MRPS28: variants seen among roughly 807,000 people sequenced by gnomAD.
The protein encoded by MRPS28 is small ribosomal subunit protein bS1m.
MRPS28 carries 7 observed loss-of-function variants against 10.8 expected under a neutral mutation model. The observed-to-expected ratio is 0.65, with a 90% CI of 0.37 to 1.22. MRPS28 has a LOEUF of 1.22. MRPS28 is among the 50% of genes most tolerant of loss of function. The pLI, the probability that MRPS28 is intolerant of heterozygous loss-of-function variation, is 0.02. For missense variants in MRPS28, 265 were observed against 232.9 expected (o/e 1.14, Z -0.90); for synonymous variants, 121 against 93.3 (o/e 1.30, Z -1.71).
intron 1 of MRPS28, among the ~76,000 whole-genome samples, chr8:80,013,289 A>T (rs954809794): frequency 6.6e-6 from 1 of 152,186 alleles, no homozygotes; most frequent in Non-Finnish European, 1.5e-5. Context: ...TTATAAAACA[A>T]TACAAATTAG....
chr8:80,001,107 G>C (rs1808649458), intron 2 of MRPS28, among the ~76,000 whole-genome samples: 1 of 152,140 alleles, frequency 6.6e-6, no homozygotes. Flanking sequence ...TCTTAGCAGA[G>C]TTGTCACAAA....
At chr8:80,016,295 T>TG (rs1371840750) in intron 1 of MRPS28, among the ~76,000 whole-genome samples, 1 of 151,842 alleles carries the variant, frequency 6.6e-6, no homozygotes, top group Non-Finnish European at 1.5e-5. Context: ...AAAAGAAGCT[T>TG]GGGGGGAAAA....
intron 2 of MRPS28, among the ~76,000 whole-genome samples, chr8:79,937,750 T>C (rs1239381216): frequency 6.6e-6 from 1 of 152,202 alleles, no homozygotes; most frequent in East Asian, 1.9e-4. Context: ...CACTTTCTGG[T>C]TTTATTTTTA....
At chr8:79,920,362 C>T (rs1248792252) in intron 2 of MRPS28, among the ~76,000 whole-genome samples, 1 of 152,138 alleles carries the variant, frequency 6.6e-6, no homozygotes, top group Admixed American at 6.5e-5. Flanking sequence ...TGAGGAATTG[C>T]CACACTGTCT....
chr8:79,968,621 C>T lies in MRPS28; in HGVS notation c.395+34378G>A, dbSNP rs74859120. ...TCAACCTTTCTCACAACACATTATGCCCTTTAAGACTGTCAGGTATCTATA... is the reference window on the plus strand; with the variant it reads ...TCAACCTTTCTCACAACACATTATGTCCTTTAAGACTGTCAGGTATCTATA... On this transcript the variant is annotated intron_variant, in intron 2 of 2. Coordinates refer to ENST00000276585, the MANE Select transcript of MRPS28 (RefSeq NM_014018.3). 6.3e-3 allele frequency among the ~76,000 whole-genome samples: 954 copies of T among 152,144 alleles called. 13 individuals are homozygous for T. The highest frequency in any genetic ancestry group is 0.057 in the East Asian group (296 of 5,170).
intron 2 of MRPS28, among the ~76,000 whole-genome samples, chr8:79,956,239 A>G (rs906134853): frequency 7.9e-5 from 12 of 152,142 alleles, no homozygotes; most frequent in African/African-American, 2.9e-4. Context: ...AGTTAATACT[A>G]TATGAAATAA....
intron 1 of MRPS28, 116 bp from the exon 2 acceptor site, chr8:80,003,296 A>G (rs1808713270): frequency 1.2e-6 from 1 of 816,652 alleles, no homozygotes; most frequent in Non-Finnish European, 1.8e-6. Flanking sequence ...ATATATGTGG[A>G]ATTTTGCTTT....
At chr8:79,919,211 A>G in intron 2 of MRPS28, 63 bp from the exon 3 acceptor site, 1 of 1,273,576 alleles carries the variant, frequency 7.9e-7, no homozygotes, top group African/African-American at 1.5e-5. Flanking sequence ...CAACTAGTTT[A>G]ATAACAACAA....
chr8:80,005,154 C>T (rs1269129623), intron 1 of MRPS28, among the ~76,000 whole-genome samples: 11 of 152,026 alleles, frequency 7.2e-5, no homozygotes, highest in East Asian at 1.9e-4. Flanking sequence ...AGATACTCCT[C>T]GAGAAGAGCA....
chr8:79,989,283 A>G (rs1586080808), intron 2 of MRPS28, among the ~76,000 whole-genome samples: 1 of 152,244 alleles, frequency 6.6e-6, no homozygotes, highest in Non-Finnish European at 1.5e-5. Context: ...AGGGAGTATT[A>G]GCTTGAATCA....
chr8:79,988,737 C>T (rs28552444), intron 2 of MRPS28, among the ~76,000 whole-genome samples: 3,505 of 152,226 alleles, frequency 0.023, 91 homozygotes, highest in African/African-American at 0.06. Flanking sequence ...CAATTCTGTT[C>T]ATCAGACTCC....
At chr8:80,027,489 ATATT>A (rs1809521593) in intron 1 of MRPS28, among the ~76,000 whole-genome samples, 1 of 152,222 alleles carries the variant, frequency 6.6e-6, no homozygotes. Flanking sequence ...GCACCATTGT[ATATT>A]TAATCTTGCA....
intron 2 of MRPS28, among the ~76,000 whole-genome samples, chr8:79,978,851 A>T (rs1807872251): frequency 6.6e-6 from 1 of 152,240 alleles, no homozygotes; most frequent in African/African-American, 2.4e-5. Context: ...AAAATGTAGT[A>T]ATCAGAATGG....
At chr8:79,940,484 G>A (rs1806737230) in intron 2 of MRPS28, among the ~76,000 whole-genome samples, 1 of 152,198 alleles carries the variant, frequency 6.6e-6, no homozygotes, top group Admixed American at 6.5e-5. Flanking sequence ...AGTCTTACAG[G>A]CTGGAGTATA....
chr8:80,001,945 A>G (rs1173154308), intron 2 of MRPS28, among the ~76,000 whole-genome samples: 1 of 152,056 alleles, frequency 6.6e-6, no homozygotes, highest in East Asian at 1.9e-4. Context: ...CACATTACAG[A>G]AATTGGGGCT....
At chr8:79,956,115 AAAC>A (rs1445344939) in intron 2 of MRPS28, among the ~76,000 whole-genome samples, 1 of 152,102 alleles carries the variant, frequency 6.6e-6, no homozygotes, top group African/African-American at 2.4e-5. Context: ...ATTGCCTTTG[AAAC>A]AACTTTTTGT....
At chr8:79,960,353 T>A (rs1004663599) in intron 2 of MRPS28, among the ~76,000 whole-genome samples, 3 of 152,108 alleles carry the variant, frequency 2.0e-5, no homozygotes, top group African/African-American at 7.2e-5. Context: ...TTTCTACTAA[T>A]CCTGGCTCTG....
chr8:79,995,820 T>C (rs1418101717), intron 2 of MRPS28, among the ~76,000 whole-genome samples: 6 of 152,184 alleles, frequency 3.9e-5, no homozygotes, highest in Admixed American at 3.3e-4. Flanking sequence ...CTAGTTGTTC[T>C]TATTTTAAGC....
At chr8:79,993,710 T>C (rs1808423804) in intron 2 of MRPS28, among the ~76,000 whole-genome samples, 1 of 152,210 alleles carries the variant, frequency 6.6e-6, no homozygotes, top group South Asian at 2.1e-4. Context: ...ATCACCAACC[T>C]ATATAAAAAC....
Sources: allele counts gnomAD v4.1 joint callset (sites outside exome capture counted in the v4.1 genomes callset), GRCh38; gene constraint gnomAD v4.1.1; transcripts MANE v1.5; gene names NCBI Gene and HGNC (gene_info 2026-07-23, HGNC 2026-07-21).